LRRTM4: variants seen among roughly 807,000 people sequenced by gnomAD.
The protein encoded by LRRTM4 is leucine rich repeat transmembrane neuronal 4.
A neutral mutation model predicts 47.6 loss-of-function variants in LRRTM4; 25 were observed. That is an observed-to-expected ratio of 0.53 (90% CI 0.38 to 0.73). The LOEUF is 0.73. Among genes scored for constraint, LRRTM4 ranks in the 30% least tolerant of loss-of-function variants. The pLI, the probability that LRRTM4 is intolerant of heterozygous loss-of-function variation, is 0.00. For synonymous variants in LRRTM4, 311 were observed against 269.5 expected (o/e 1.15, Z -1.51); for missense variants, 638 against 713.4 (o/e 0.89, Z 1.20).
rs1219457529 is a variant in LRRTM4 at position 76,796,948 on chromosome 2, A to C, written c.1552-48032T>G. Among the ~76,000 whole-genome samples, 10 of 152,122 alleles carry C rather than the reference A, an allele frequency of 6.6e-5. No homozygotes were observed. In the East Asian group the frequency reaches 1.9e-3, roughly 29 times the overall value. On this transcript the variant is annotated intron_variant, in intron 3 of 3. Transcript: ENST00000409884. ...TAAAAAGAAATGAGCAAAGCCTCCA[A>C]GAAATATGGGACTATGTGAAAAGAC...
At chr2:76,957,842 T>C (rs958782952) in intron 3 of LRRTM4, among the ~76,000 whole-genome samples, 2 of 151,732 alleles carry the variant, frequency 1.3e-5, no homozygotes, top group Admixed American at 1.3e-4. Flanking sequence ...TATGTGCTTA[T>C]GATATGGTTT....
At chr2:77,362,496 G>C (rs371252773) in intron 3 of LRRTM4, among the ~76,000 whole-genome samples, 5 of 152,176 alleles carry the variant, frequency 3.3e-5, no homozygotes, top group Admixed American at 6.5e-5. Flanking sequence ...CAGAATATTA[G>C]AAAAGGTTAA....
chr2:77,412,105 TACC>T lies in LRRTM4; in HGVS notation c.1551+106210_1551+106212del, dbSNP rs1674465251. 2.0e-5 allele frequency among the ~76,000 whole-genome samples: 3 copies of T among 150,506 alleles called. No individual in the cohort carries two copies. In the South Asian group the frequency reaches 6.3e-4, roughly 32 times the overall value. On this transcript the variant is annotated intron_variant, in intron 3 of 3. Coordinates refer to ENST00000409884, the MANE Select transcript of LRRTM4 (RefSeq NM_001134745.3). ...TCCCTGAATTCCACAGGCTGAGTTCTACCTTTGATTTGCATTATTCGTAAGGGC... is the reference window on the plus strand; with the variant it reads ...TCCCTGAATTCCACAGGCTGAGTTCTTTTGATTTGCATTATTCGTAAGGGC...
chr2:77,400,095 C>G (rs1400403303), intron 3 of LRRTM4, among the ~76,000 whole-genome samples: 2 of 151,812 alleles, frequency 1.3e-5, no homozygotes, highest in Non-Finnish European at 2.9e-5. Context: ...AACCACTATT[C>G]TACTCACTGC....
chr2:77,027,937 T>G (rs1678511161), intron 3 of LRRTM4, among the ~76,000 whole-genome samples: 1 of 151,450 alleles, frequency 6.6e-6, no homozygotes, highest in African/African-American at 2.4e-5. Context: ...GAATTAATGG[T>G]GAAACTTCTA....
At chr2:76,951,866 G>C (rs1332346272) in intron 3 of LRRTM4, among the ~76,000 whole-genome samples, 1 of 151,834 alleles carries the variant, frequency 6.6e-6, no homozygotes, top group Non-Finnish European at 1.5e-5. Flanking sequence ...CCATTTATGA[G>C]TGAGAACATG....
chr2:76,791,675 C>A (rs1050477667), intron 3 of LRRTM4, among the ~76,000 whole-genome samples: 1 of 152,152 alleles, frequency 6.6e-6, no homozygotes, highest in African/African-American at 2.4e-5. Context: ...AATTTCAGTA[C>A]TTATTATAAC....
Position 77,311,996 on chromosome 2 carries a change from T to A in LRRTM4, c.1551+206322A>T, listed in dbSNP as rs79516452. 1.2e-3 allele frequency among the ~76,000 whole-genome samples: 188 copies of A among 152,220 alleles called. 2 individuals are homozygous for A. In the East Asian group the frequency reaches 0.025, roughly 20 times the overall value. ...ACAAATAAATAGCAGACACAGTATA[T>A]TTTCCCTTTTGTCATCCCTCAATAT... On this transcript the variant is annotated intron_variant, in intron 3 of 3. Coordinates refer to ENST00000409884, the MANE Select transcript of LRRTM4 (RefSeq NM_001134745.3).
At chr2:76,860,550 CTGTGTGTGTGCA>C (rs950163289) in intron 3 of LRRTM4, among the ~76,000 whole-genome samples, 13 of 151,804 alleles carry the variant, frequency 8.6e-5, no homozygotes, top group South Asian at 2.1e-4. Context: ...AAGAATTTTG[CTGTGTGTGTGCA>C]TGTGTGTGTG....
rs563144283 is a variant in LRRTM4 at position 76,911,807 on chromosome 2, A to G, written c.1552-162891T>C. Among the ~76,000 whole-genome samples the G allele has an allele frequency of 4.6e-5, 7 of 152,068 alleles. No homozygotes were observed. The East Asian group carries it at 1.4e-3, about 30-fold the overall frequency. ...AAGGAAGAGCAGAAAGAACAATGAA[A>G]ACAGTGATTTGTGTGTGTGCCTGTG... On this transcript the variant is annotated intron_variant, in intron 3 of 3. Transcript: ENST00000409884.
At chr2:77,210,107 T>C (rs955744240) in intron 3 of LRRTM4, among the ~76,000 whole-genome samples, 1 of 152,204 alleles carries the variant, frequency 6.6e-6, no homozygotes, top group Non-Finnish European at 1.5e-5. Flanking sequence ...TAATTAATAA[T>C]GTTGCTGCTG....
chr2:77,471,768 C>A (rs899052369), intron 3 of LRRTM4, among the ~76,000 whole-genome samples: 4 of 152,200 alleles, frequency 2.6e-5, no homozygotes, highest in East Asian at 1.9e-4. Flanking sequence ...CACACATTCA[C>A]CATCACCAGC....
At chr2:76,853,326 G>T (rs1183308186) in intron 3 of LRRTM4, among the ~76,000 whole-genome samples, 2 of 152,030 alleles carry the variant, frequency 1.3e-5, no homozygotes, top group Non-Finnish European at 2.9e-5. Context: ...TGGGCTCTTG[G>T]TCCCTCTAGA....
At chr2:77,382,004 A>C (rs573654454) in intron 3 of LRRTM4, among the ~76,000 whole-genome samples, 119 of 152,222 alleles carry the variant, frequency 7.8e-4, no homozygotes, top group Non-Finnish European at 7.9e-4. Context: ...ATTTTCATCT[A>C]CATCGTTTCC....
intron 3 of LRRTM4, among the ~76,000 whole-genome samples, chr2:77,074,797 A>G (rs74325182): frequency 0.063 from 9,547 of 152,170 alleles, 654 homozygotes; most frequent in African/African-American, 0.16. Flanking sequence ...TTTTCTTCTA[A>G]TTGTTGGTTG....
rs908342560 is a variant in LRRTM4, at chr2:76,885,760, C to T, written c.1552-136844G>A. ...GATTACAGGCGTGAGTCACCGCGCCCGGCCAAAAACATACTTTTTTTAAAA... is the reference window on the plus strand; with the variant it reads ...GATTACAGGCGTGAGTCACCGCGCCTGGCCAAAAACATACTTTTTTTAAAA... On this transcript the variant is annotated intron_variant, in intron 3 of 3. Coordinates refer to ENST00000409884, the MANE Select transcript of LRRTM4 (RefSeq NM_001134745.3). 3.9e-5 allele frequency among the ~76,000 whole-genome samples: 6 copies of T among 151,994 alleles called. No individual in the cohort carries two copies. The East Asian group carries it at 9.7e-4, about 25-fold the overall frequency.
intron 3 of LRRTM4, among the ~76,000 whole-genome samples, chr2:76,802,288 T>TAA (rs1224155945): frequency 2.0e-5 from 3 of 148,134 alleles, no homozygotes; most frequent in Non-Finnish European, 4.5e-5. Flanking sequence ...TTGTAGGATA[T>TAA]AACAGCAAAA....
intron 3 of LRRTM4, among the ~76,000 whole-genome samples, chr2:77,344,631 A>G (rs1302085672): frequency 6.6e-6 from 1 of 151,962 alleles, no homozygotes; most frequent in Non-Finnish European, 1.5e-5. Context: ...AAAAAGCTAA[A>G]CAAATAATGA....
rs776265725 is a variant in LRRTM4 at position 77,483,118 on chromosome 2, C to CAAAA, written c.1551+35196_1551+35199dup. On this transcript the variant is annotated intron_variant, in intron 3 of 3. Coordinates refer to ENST00000409884, the MANE Select transcript of LRRTM4 (RefSeq NM_001134745.3). ...CCTAGGAGGCAGAGCAAGACTGTCT[C>CAAAA]AAAAAAAAAAAAAAAAAAAAAAAAA... is the stretch of plus-strand genomic sequence containing the variant. 5.4e-4 allele frequency among the ~76,000 whole-genome samples: 33 copies of CAAAA among 60,594 alleles called. 2 individuals are homozygous for CAAAA. The highest frequency in any genetic ancestry group is 1.4e-3 in the African/African-American group (21 of 15,200). The allele number at this position is 60,594 out of a possible 152,430, so 39.8% of individuals were successfully genotyped here.
Sources: allele counts gnomAD v4.1 joint callset (sites outside exome capture counted in the v4.1 genomes callset), GRCh38; gene constraint gnomAD v4.1.1; transcripts MANE v1.5; gene names NCBI Gene and HGNC (gene_info 2026-07-23, HGNC 2026-07-21).